The following MTFR1 variants were observed in gnomAD, a reference collection of about 807,000 sequenced individuals.
The protein encoded by MTFR1 is mitochondrial fission regulator 1.
Under a neutral mutation model 38.8 loss-of-function variants are expected in MTFR1, and 28 were observed. The observed-to-expected ratio is 0.72, with a 90% CI of 0.53 to 0.99. MTFR1 has a LOEUF of 0.99. MTFR1 is among the 50% of genes least tolerant of loss of function. The probability of loss-of-function intolerance (pLI) is 0.00; values close to 1 mark genes in which losing one functional copy is unlikely to be tolerated. For synonymous variants in MTFR1, 145 were observed against 137.0 expected, an observed-to-expected ratio of 1.06 and a Z score of -0.41; for missense variants, 358 against 395.5, an observed-to-expected ratio of 0.91 and a Z score of 0.81.
downstream of MTFR1, among the ~76,000 whole-genome samples, chr8:65,711,193 C>T (rs1375911337): frequency 2.0e-5 from 3 of 152,170 alleles, no homozygotes; most frequent in African/African-American, 7.2e-5. Flanking sequence ...ATCCTATGCA[C>T]TTGCTTGTGC....
At chr8:65,742,645 A>G (rs945382881) in intron 3 of MTFR1, among the ~76,000 whole-genome samples, 14 of 152,244 alleles carry the variant, frequency 9.2e-5, no homozygotes, top group Admixed American at 2.0e-4. Flanking sequence ...CAGGTGAAGC[A>G]GTTTTAAAAG....
At chr8:65,744,242 A>G (rs954391311) in intron 3 of MTFR1, among the ~76,000 whole-genome samples, 2 of 152,210 alleles carry the variant, frequency 1.3e-5, no homozygotes, top group African/African-American at 4.8e-5. Flanking sequence ...AAACAACAAA[A>G]AAAAACAGGC....
chr8:65,701,860 G>T (rs944857789), intron 4 of MTFR1, among the ~76,000 whole-genome samples: 3 of 152,162 alleles, frequency 2.0e-5, no homozygotes, highest in African/African-American at 7.2e-5. Context: ...AGAGGTGCAA[G>T]AGTAGGCCAG....
At chr8:65,687,052 A>G (rs578106217) in intron 3 of MTFR1, among the ~76,000 whole-genome samples, 9 of 152,186 alleles carry the variant, frequency 5.9e-5, no homozygotes, top group Non-Finnish European at 1.5e-5. Flanking sequence ...TTTCAGAAAT[A>G]GACACATTTT....
chr8:65,689,645 G>A, intron 3 of MTFR1: 1 of 1,206,206 alleles, frequency 8.3e-7, no homozygotes, highest in Non-Finnish European at 1.1e-6. Context: ...ATGTCGTGGT[G>A]TCTAAATCGT....
At chr8:65,668,515 TTTC>T (rs1294936410) in intron 1 of MTFR1, among the ~76,000 whole-genome samples, 1 of 122,220 alleles carries the variant, frequency 8.2e-6, no homozygotes, top group Non-Finnish European at 1.9e-5. Context: ...TTTTTTTGTT[TTTC>T]TTTTTTCTTT....
At position 65,707,097 on chromosome 8, in the gene MTFR1, A is replaced by G; in HGVS notation, c.605A>G (p.His202Arg). 2 of 1,550,446 alleles carry G rather than the reference A, an allele frequency of 1.3e-6. No individual in the cohort carries two copies. The highest frequency in any genetic ancestry group is 1.8e-6 in the Non-Finnish European group (2 of 1,142,220). The change falls in exon 6 of 8, where the codon CAC becomes CGC. Residue 202 changes from histidine (H) to arginine (R), a missense_variant. Transcript: ENST00000262146. The part of the protein sequence containing the change: ...PPLPPPALGL[H>R]QSTSAVDLIK... ...CTGCCTCCCCCTGCACTGGGGCTCC[A>G]CCAAAGTACATCTGCTGTTGATCTG...
At chr8:65,678,164 GC>G (rs1249315049) in intron 2 of MTFR1, among the ~76,000 whole-genome samples, 3 of 152,100 alleles carry the variant, frequency 2.0e-5, no homozygotes, top group Admixed American at 2.0e-4. Context: ...ACATAGTTCA[GC>G]CACAAGTTAC....
Position 65,760,779 on chromosome 8 carries a change from G to A in MTFR1, c.*49-10168G>A, listed in dbSNP as rs1011407716. Among the ~76,000 whole-genome samples the A allele has an allele frequency of 1.2e-4, 18 of 152,150 alleles. 1 individual carries two copies. ...TTGGAAAAGCCTAGACTCCTATTAT[G>A]GGGAAAGGAAGGAGGGTAGTGCTGG... On this transcript the variant is annotated intron_variant, in intron 3 of 3. Coordinates refer to the MTFR1 transcript ENST00000521247.
Position 65,719,320 on chromosome 8 carries a change from C to T in MTFR1, c.382-60C>T, listed in dbSNP as rs749390870. The T allele has an allele frequency of 4.3e-6, 7 of 1,613,868 alleles. No homozygotes were observed. The African/African-American group carries it at 5.3e-5, about 12-fold the overall frequency. On this transcript the variant is annotated intron_variant, in intron 2 of 3. Coordinates refer to the MTFR1 transcript ENST00000521247. ...ATAACCGATTTTCCTGAGGTAATAA[C>T]TGTGAGTTCAACTCAAATGCAGCAT... is the stretch of plus-strand genomic sequence containing the variant.
chr8:65,684,813 C>T (rs549671453), intron 3 of MTFR1, among the ~76,000 whole-genome samples: 4 of 151,486 alleles, frequency 2.6e-5, no homozygotes, highest in Non-Finnish European at 4.4e-5. Flanking sequence ...GAGACCAGCC[C>T]GGCCAACATG....
intron 3 of MTFR1, among the ~76,000 whole-genome samples, chr8:65,731,152 T>C (rs571484403): frequency 1.4e-4 from 22 of 152,310 alleles, no homozygotes; most frequent in African/African-American, 4.8e-4. Context: ...GGTTCCCATA[T>C]GTTTTACAAG....
At chr8:65,765,813 G>T (rs1467341567) in intron 3 of MTFR1, 1 of 152,128 alleles carries the variant, frequency 6.6e-6, no homozygotes. Context: ...ATTCTAATGG[G>T]CATGCATAAT....
chr8:65,676,553 AG>A (rs1310502935), intron 2 of MTFR1, among the ~76,000 whole-genome samples: 4 of 152,048 alleles, frequency 2.6e-5, no homozygotes, highest in Admixed American at 2.0e-4. Flanking sequence ...TAGTAAAGAC[AG>A]GGTTTCACCA....
intron 2 of MTFR1, among the ~76,000 whole-genome samples, chr8:65,676,000 ATAAT>A (rs1209238001): frequency 6.6e-6 from 1 of 152,240 alleles, no homozygotes; most frequent in Non-Finnish European, 1.5e-5. Flanking sequence ...AGTATCTATA[ATAAT>A]TTGTATTATT....
At chr8:65,707,351 C>A in intron 6 of MTFR1, 95 bp downstream of exon 6, 1 of 1,294,002 alleles carries the variant, frequency 7.7e-7, no homozygotes, top group Non-Finnish European at 1.1e-6. Flanking sequence ...AACATGACTG[C>A]CATGAATAGT....
chr8:65,706,115 G>A lies in MTFR1; in HGVS notation c.518-895G>A, dbSNP rs184984319. 3.3e-5 allele frequency among the ~76,000 whole-genome samples: 5 copies of A among 152,274 alleles called. No homozygotes were observed. In the East Asian group the frequency reaches 9.6e-4, roughly 29 times the overall value. On this transcript the variant is annotated intron_variant, in intron 5 of 7. Coordinates refer to ENST00000262146, the MANE Select transcript of MTFR1 (RefSeq NM_014637.4). ...ACCTGGGCATGGCAGAGGTGGGTGGGGGTGGAGGCACTCTGGGCGCTGATG... is the reference window on the plus strand; with the variant it reads ...ACCTGGGCATGGCAGAGGTGGGTGGAGGTGGAGGCACTCTGGGCGCTGATG...
At chr8:65,701,397 G>A (rs1805609225) in intron 4 of MTFR1, among the ~76,000 whole-genome samples, 1 of 152,206 alleles carries the variant, frequency 6.6e-6, no homozygotes, top group Non-Finnish European at 1.5e-5. Flanking sequence ...TTGTCATCAA[G>A]CGTTTGATTG....
At chr8:65,647,664 G>A (rs1025551151) in intron 1 of MTFR1, among the ~76,000 whole-genome samples, 4 of 152,058 alleles carry the variant, frequency 2.6e-5, no homozygotes, top group African/African-American at 9.7e-5. Flanking sequence ...TTGTTTTCTT[G>A]GGCCATCCTG....
Sources: allele counts gnomAD v4.1 joint callset (sites outside exome capture counted in the v4.1 genomes callset), GRCh38; gene constraint gnomAD v4.1.1; transcripts MANE v1.5; gene names NCBI Gene and HGNC (gene_info 2026-07-23, HGNC 2026-07-21).